Variants in TOX3 observed in about 807,000 individuals in gnomAD.
TOX3 encodes the protein TOX high mobility group box family member 3, also known as CAG trinucleotide repeat-containing gene F9 protein.
TOX3 carries 22 observed loss-of-function variants against 64.3 expected under a neutral mutation model. The observed-to-expected ratio is 0.34, with a 90% CI of 0.24 to 0.49. The LOEUF is 0.49. Among genes scored for constraint, TOX3 ranks in the 20% least tolerant of loss-of-function variants. TOX3 has a pLI of 0.99. For synonymous variants in TOX3, 291 were observed against 273.6 expected, an observed-to-expected ratio of 1.06 and a Z score of -0.63; for missense variants, 661 against 714.4, an observed-to-expected ratio of 0.93 and a Z score of 0.85.
At chr16:52,504,678 C>T (rs995402505) in intron 1 of TOX3, among the ~76,000 whole-genome samples, 3 of 151,778 alleles carry the variant, frequency 2.0e-5, no homozygotes, top group African/African-American at 7.3e-5. Flanking sequence ...CTTTTAGGGG[C>T]TTATGGGATG....
intron 1 of TOX3, among the ~76,000 whole-genome samples, chr16:52,482,261 C>T (rs1961388960): frequency 6.6e-6 from 1 of 152,098 alleles, no homozygotes; most frequent in African/African-American, 2.4e-5. Flanking sequence ...ATAATGGAGG[C>T]ATTTTATTCT....
intron 1 of TOX3, among the ~76,000 whole-genome samples, chr16:52,535,556 A>G (rs2151487337): frequency 1.3e-5 from 2 of 152,280 alleles, no homozygotes; most frequent in South Asian, 4.1e-4. Context: ...GCCTTGGACT[A>G]CTTCCCTCTA....
intron 1 of TOX3, among the ~76,000 whole-genome samples, chr16:52,533,428 C>T (rs1400837897): frequency 2.6e-5 from 4 of 152,244 alleles, no homozygotes; most frequent in South Asian, 2.1e-4. Flanking sequence ...TTCAATCCCC[C>T]AGATAAAATA....
At chr16:52,492,770 G>T (rs1961730153) in intron 1 of TOX3, among the ~76,000 whole-genome samples, 1 of 150,768 alleles carries the variant, frequency 6.6e-6, no homozygotes, top group Non-Finnish European at 1.5e-5. Flanking sequence ...AGAAAAAAAA[G>T]ACCCTATCTT....
chr16:52,450,515 C>A lies in TOX3; in HGVS notation c.440G>T (p.Arg147Leu). Residue 147 changes from arginine (R) to leucine (L), a missense_variant, in exon 4 of 7, where the codon CGG becomes CTG. Physicochemically the swap from Arg to Leu is moderately radical, Grantham distance 102 (BLOSUM62 -2). Around this residue, in one of 3 missense-constraint regions of TOX3, gnomAD observed 259 missense variants for 261.2 expected, o/e 0.99. Coordinates refer to ENST00000219746, the MANE Select transcript of TOX3 (RefSeq NM_001080430.4). ...CCGCATGATCAGGGAGGGATCCTGC[C>A]GGTACTGGGACACTTGTGTGTGGCT... ...DQSHTQVSQY[R>L]QDPSLIMRSI... The A allele has an allele frequency of 6.2e-7, 1 of 1,613,904 alleles. No individual in the cohort carries two copies. Among genetic ancestry groups the A allele is most frequent in the Non-Finnish European group, 8.5e-7 (1 of 1,179,880 alleles).
At chr16:52,440,591 C>T (rs1037988173) in intron 6 of TOX3, among the ~76,000 whole-genome samples, 3 of 152,040 alleles carry the variant, frequency 2.0e-5, no homozygotes, top group African/African-American at 7.2e-5. Context: ...AACGACTTTA[C>T]CATTGAGTAC....
At chr16:52,498,250 T>C (rs1961901208) in intron 1 of TOX3, among the ~76,000 whole-genome samples, 1 of 152,222 alleles carries the variant, frequency 6.6e-6, no homozygotes, top group South Asian at 2.1e-4. Flanking sequence ...TAGTGTACAC[T>C]GTATTTCAAC....
chr16:52,457,647 T>G (rs1254140205), intron 3 of TOX3, among the ~76,000 whole-genome samples: 1 of 152,218 alleles, frequency 6.6e-6, no homozygotes, highest in African/African-American at 2.4e-5. Context: ...TAATTTTATC[T>G]TCAATTATTT....
At chr16:52,526,584 C>T (rs1301068790) in intron 1 of TOX3, among the ~76,000 whole-genome samples, 1 of 152,060 alleles carries the variant, frequency 6.6e-6, no homozygotes, top group East Asian at 1.9e-4. Flanking sequence ...AGGATACAGA[C>T]AATGAAGTCC....
intron 1 of TOX3, among the ~76,000 whole-genome samples, chr16:52,502,935 C>T (rs1012618806): frequency 6.6e-6 from 1 of 152,158 alleles, no homozygotes; most frequent in African/African-American, 2.4e-5. Flanking sequence ...CACAGACACA[C>T]TGCAACTATA....
intron 1 of TOX3, among the ~76,000 whole-genome samples, chr16:52,490,404 A>G (rs1369022213): frequency 6.6e-6 from 1 of 152,146 alleles, no homozygotes; most frequent in Non-Finnish European, 1.5e-5. Flanking sequence ...CAGTGTGAGA[A>G]TGGACTAATA....
chr16:52,446,851 T>A (rs1960178477), intron 4 of TOX3, among the ~76,000 whole-genome samples: 1 of 152,186 alleles, frequency 6.6e-6, no homozygotes, highest in African/African-American at 2.4e-5. Context: ...TGTAAAAATG[T>A]CAAAACTACT....
At chr16:52,451,450 C>T (rs1009762785) in intron 3 of TOX3, among the ~76,000 whole-genome samples, 2 of 152,010 alleles carry the variant, frequency 1.3e-5, no homozygotes, top group African/African-American at 4.8e-5. Flanking sequence ...TGCTTATTCT[C>T]TATTTTTTTT....
At chr16:52,450,694 T>A (rs1192153107) in intron 3 of TOX3, 148 bp from the exon 4 acceptor site, 10 of 1,023,324 alleles carry the variant, frequency 9.8e-6, no homozygotes, top group Non-Finnish European at 1.4e-5. Context: ...CGTTCATTTA[T>A]TAAATATAAG....
intron 1 of TOX3, among the ~76,000 whole-genome samples, chr16:52,508,610 A>T (rs1158630584): frequency 1.3e-5 from 2 of 152,218 alleles, no homozygotes; most frequent in Non-Finnish European, 2.9e-5. Context: ...ATATATTATT[A>T]GGGGATAAAG....
intron 6 of TOX3, among the ~76,000 whole-genome samples, chr16:52,441,282 T>C (rs180775766): frequency 6.6e-6 from 1 of 152,356 alleles, no homozygotes; most frequent in East Asian, 1.9e-4. Flanking sequence ...AAACCATTAT[T>C]GGTTTCCTCA....
Position 52,439,300 on chromosome 16 carries a change from T to C in TOX3, c.1656A>G (p.Pro552=), listed in dbSNP as rs1338510143. The stretch of plus-strand genomic sequence containing the variant: ...TTTGCGACTGGTGCTGCTGAGAGGC[T>C]GGCTGGGGGCTCCCGATGGCAGGGA... ...SPIPAIGSPQ[P]ASQQHQSQIQ... Residue 552 remains proline (P), a synonymous_variant, in exon 7 of 7, where the codon CCA becomes CCG. Transcript: ENST00000219746. The C allele has an allele frequency of 3.7e-6, 6 of 1,613,822 alleles. No individual in the cohort carries two copies. The highest frequency in any genetic ancestry group is 1.7e-5 in the Admixed American group (1 of 60,006).
At chr16:52,455,671 T>C (rs868421399) in intron 3 of TOX3, among the ~76,000 whole-genome samples, 1 of 152,062 alleles carries the variant, frequency 6.6e-6, no homozygotes, top group Non-Finnish European at 1.5e-5. Flanking sequence ...TCAAAAAAGA[T>C]AGTATTTGAG....
intron 1 of TOX3, among the ~76,000 whole-genome samples, chr16:52,544,553 C>T (rs1044051630): frequency 5.9e-5 from 9 of 152,142 alleles, no homozygotes; most frequent in African/African-American, 2.2e-4. Context: ...GCACTGATGA[C>T]GATCAGATTG....
Sources: allele counts gnomAD v4.1 joint callset (sites outside exome capture counted in the v4.1 genomes callset), GRCh38; gene constraint gnomAD v4.1.1; regional missense constraint gnomAD v4.1.1; transcripts MANE v1.5; gene names NCBI Gene and HGNC (gene_info 2026-07-23, HGNC 2026-07-21).